Variants in CHD5 observed in about 807,000 individuals in gnomAD.
CHD5 encodes chromodomain helicase DNA binding protein 5, also known as ATP-dependent chromatin remodeler CHD5.
CHD5 carries 69 observed loss-of-function variants against 230.3 expected under a neutral mutation model. That is an observed-to-expected ratio of 0.30 (90% confidence interval 0.25 to 0.37). The LOEUF (loss-of-function observed/expected upper bound fraction) is 0.37, where lower values mean the gene tolerates loss of function less well. Among genes scored for constraint, CHD5 ranks in the 10% least tolerant of loss-of-function variants. The pLI is 1.00. For missense variants in CHD5, 1,827 were observed against 2,622.8 expected (o/e 0.70, Z 6.63); for synonymous variants, 1,064 against 1,065.9 (o/e 1.00, Z 0.03).
intron 33 of CHD5, among the ~76,000 whole-genome samples, chr1:6,119,710 C>CGT (rs1409223802): frequency 6.6e-6 from 1 of 150,628 alleles, no homozygotes; most frequent in African/African-American, 2.4e-5. Context: ...TATATATATA[C>CGT]GTGTGTGTAT....
rs754955470 is a variant in CHD5, at chr1:6,111,860, C to T, written c.5164G>A (p.Glu1722Lys). Residue 1722 changes from glutamate to lysine, a missense_variant, in exon 36 of 42, where the codon GAG becomes AAG. Coordinates refer to ENST00000262450, the MANE Select transcript of CHD5 (RefSeq NM_015557.3). ...CCAGAGGATACAGCAGCCCGCTCCT[C>T]GTTCTGCCACAGCGTGTGCAACTCT... ...FTELHTLWQN[E>K]ERAAVSSGKI... 6.2e-6 allele frequency: 10 copies of T among 1,613,238 alleles called. No homozygotes were observed. The highest frequency in any genetic ancestry group is 6.8e-6 in the Non-Finnish European group (8 of 1,180,002).
At chr1:6,159,212 C>A in intron 3 of CHD5, 124 bp downstream of exon 3, 2 of 1,458,138 alleles carry the variant, frequency 1.4e-6, no homozygotes, top group Non-Finnish European at 1.8e-6. Context: ...AGCCTGGCAA[C>A]AGAGTGAGAC....
intron 25 of CHD5, 96 bp downstream of exon 25, chr1:6,127,950 G>A: frequency 2.7e-6 from 3 of 1,121,098 alleles, no homozygotes; most frequent in South Asian, 1.5e-5. Context: ...GCTGCGGCGG[G>A]AGGGCGGGGT....
At position 6,142,958 on chromosome 1, in the gene CHD5, G is replaced by A. The variant is rs1027939781; in HGVS notation, c.2044-353C>T. ...TACCACACAGTGCCTGGGACATGTG[G>A]TCACTTACTCACCATTTTTTGGATG... On this transcript the variant is annotated intron_variant, in intron 13 of 41. Coordinates refer to ENST00000262450, the MANE Select transcript of CHD5 (RefSeq NM_015557.3). This position sits in a 1 kb window ranked among gnomAD's most constrained non-coding sequence, Gnocchi z 5.2. 6.6e-6 allele frequency among the ~76,000 whole-genome samples: 1 copy of A among 152,176 alleles called. No individual in the cohort carries two copies. The highest frequency in any genetic ancestry group is 1.5e-5 in the Non-Finnish European group (1 of 68,042).
At chr1:6,165,152 G>A (rs1396574950) in intron 2 of CHD5, among the ~76,000 whole-genome samples, 1 of 152,134 alleles carries the variant, frequency 6.6e-6, no homozygotes, top group Non-Finnish European at 1.5e-5. Context: ...GAATGAGAGC[G>A]TCGGAGAACC....
chr1:6,127,863 AGCACACGCTGGAGTGCGGG>A (rs1356195020), intron 25 of CHD5, among the ~76,000 whole-genome samples, 164 bp downstream of exon 25: 1 of 151,562 alleles, frequency 6.6e-6, no homozygotes, highest in Non-Finnish European at 1.5e-5. Context: ...TGGAGGGCGG[AGCACACGCTGGAGTGCGGG>A]GCACAGCAGG....
intron 2 of CHD5, among the ~76,000 whole-genome samples, chr1:6,166,480 C>T (rs4908535): frequency 6.6e-6 from 1 of 151,650 alleles, no homozygotes; most frequent in Non-Finnish European, 1.5e-5. Flanking sequence ...CAAAGAGCAC[C>T]GGGGCGGTAC....
At chr1:6,177,389 A>C (rs928302550) in intron 1 of CHD5, among the ~76,000 whole-genome samples, 1 of 152,194 alleles carries the variant, frequency 6.6e-6, no homozygotes, top group Non-Finnish European at 1.5e-5. Context: ...GCCCTCAGAC[A>C]CTGAAACCAC....
At chr1:6,174,131 G>C (rs1056074154) in intron 1 of CHD5, among the ~76,000 whole-genome samples, 4 of 151,942 alleles carry the variant, frequency 2.6e-5, no homozygotes, top group African/African-American at 9.7e-5. Context: ...AAGTCAACCT[G>C]GGGGGACAGG....
rs556628805 is a variant in CHD5 at position 6,103,187 on chromosome 1, T to C, written c.*2287A>G. 25 of 152,632 alleles carry C rather than the reference T, an allele frequency of 1.6e-4. No individual in the cohort carries two copies. The highest frequency in any genetic ancestry group is 5.8e-4 in the African/African-American group (24 of 41,582). The allele number at this position is 152,632 out of a possible 1,614,324, so 9.5% of individuals were successfully genotyped here. A position where few individuals can be genotyped will look rare whatever the true frequency, so the allele number is the denominator to read the frequency against. Reference sequence around the variant, plus strand: ...AGCCCCAAACCCGCTCTGACTCTAGTAGCCCACCCCTCCCGGGCCCCGGGG... The same window carrying C: ...AGCCCCAAACCCGCTCTGACTCTAGCAGCCCACCCCTCCCGGGCCCCGGGG... On this transcript the variant is annotated 3_prime_UTR_variant, in exon 42 of 42. Coordinates refer to ENST00000262450, the MANE Select transcript of CHD5 (RefSeq NM_015557.3).
chr1:6,107,637 G>A (rs927273375), intron 38 of CHD5, among the ~76,000 whole-genome samples: 1 of 109,434 alleles, frequency 9.1e-6, no homozygotes, highest in South Asian at 3.7e-4. Context: ...AGCGATGATG[G>A]AGGGATGAAG....
chr1:6,165,891 AC>A (rs1667245432), intron 2 of CHD5, among the ~76,000 whole-genome samples: 1 of 151,554 alleles, frequency 6.6e-6, no homozygotes, highest in Admixed American at 6.6e-5. Context: ...AGGGAGCTTC[AC>A]CCTCTTTGAG....
At chr1:6,113,271 C>T (rs1350989386) in intron 33 of CHD5, 2 of 441,956 alleles carry the variant, frequency 4.5e-6, no homozygotes, top group Non-Finnish European at 4.2e-6. Context: ...AAAAATACAA[C>T]AACTTAGCTG....
In CHD5 at chr1:6,106,759, G is replaced by C. The variant is rs1167629264; in HGVS notation, c.5599C>G (p.Leu1867Val). ...LHKVLNQLEE[L>V]LSDMKADVTR... Reference sequence around the variant, plus strand: ...ACGTCGGCCTTCATGTCGCTCAGCAGCTCCTCCAGCTGGTTCAGGACTGTG... The same window carrying C: ...ACGTCGGCCTTCATGTCGCTCAGCACCTCCTCCAGCTGGTTCAGGACTGTG... The change falls in exon 39 of 42, where the codon CTG (leucine) becomes GTG (valine). Residue 1867 changes from leucine to valine, a missense_variant. Transcript: ENST00000262450. 6.2e-7 allele frequency: 1 copy of C among 1,611,226 alleles called. No individual in the cohort carries two copies. Among genetic ancestry groups the C allele is most frequent in the Non-Finnish European group, 8.5e-7 (1 of 1,179,506 alleles).
In CHD5 at chr1:6,126,916, T is replaced by G. The variant is rs762236084; in HGVS notation, c.3904-170A>C. Among the ~76,000 whole-genome samples, 1 of 152,124 alleles carries G rather than the reference T, an allele frequency of 6.6e-6. No homozygotes were observed. The highest frequency in any genetic ancestry group is 1.5e-5 in the Non-Finnish European group (1 of 68,020). On this transcript the variant is annotated intron_variant, in intron 25 of 41. Coordinates refer to ENST00000262450, the MANE Select transcript of CHD5 (RefSeq NM_015557.3). The surrounding 1 kb of genome is among the most constrained non-coding windows in gnomAD (Gnocchi z 5.7). ...TGATCACCCCGGCCCTAGCTAGCTT[T>G]TCTCTCCCTGCCCCTATCCAGTCAA...
chr1:6,170,660 C>T (rs566319030), intron 1 of CHD5, among the ~76,000 whole-genome samples: 44 of 152,338 alleles, frequency 2.9e-4, no homozygotes, highest in South Asian at 1.7e-3. Flanking sequence ...CAGCAAGGGC[C>T]GCCCCAGGTG....
chr1:6,110,058 G>C (rs375627818), intron 37 of CHD5, 68 bp from the exon 38 acceptor site: 1 of 1,349,306 alleles, frequency 7.4e-7, no homozygotes, highest in East Asian at 2.5e-5. Context: ...CTCCACCAGC[G>C]CCCACCCCAG....
chr1:6,160,038 A>T (rs111768050), intron 2 of CHD5, among the ~76,000 whole-genome samples: 4,574 of 151,036 alleles, frequency 0.03, 3 homozygotes, highest in African/African-American at 0.099. Flanking sequence ...CAGCCAGGGA[A>T]GGGCCTCAGC....
chr1:6,162,095 C>T (rs1368710696), intron 2 of CHD5, among the ~76,000 whole-genome samples: 3 of 151,974 alleles, frequency 2.0e-5, no homozygotes, highest in Non-Finnish European at 4.4e-5. Flanking sequence ...AAGAAAATGC[C>T]TTGAGGCTGG....
Sources: gnomAD v4.1 joint callset for allele counts (sites outside exome capture counted in the v4.1 genomes callset) on GRCh38, gnomAD v4.1.1 for gene constraint, Gnocchi (gnomAD v3.1) non-coding constraint, MANE v1.5 for transcripts, NCBI Gene and HGNC (gene_info 2026-07-23, HGNC 2026-07-21) for gene names.